NCK2: variants seen among roughly 807,000 people sequenced by gnomAD.
NCK2 encodes the protein NCK adaptor protein 2, also known as cytoplasmic protein NCK2.
NCK2 carries 16 observed loss-of-function variants against 33.9 expected under a neutral mutation model. That is an observed-to-expected ratio of 0.47 (90% confidence interval 0.32 to 0.72). The LOEUF (loss-of-function observed/expected upper bound fraction) is 0.72, where lower values mean the gene tolerates loss of function less well. Ranked by LOEUF, NCK2 falls within the 30% of genes least tolerant of loss-of-function variation. The pLI is 0.03. For synonymous variants in NCK2, 273 were observed against 239.9 expected, an observed-to-expected ratio of 1.14 and a Z score of -1.27; for missense variants, 418 against 537.3, an observed-to-expected ratio of 0.78 and a Z score of 2.19.
chr2:105,829,861 T>TA (rs1676098607), intron 2 of NCK2, among the ~76,000 whole-genome samples: 1 of 152,334 alleles, frequency 6.6e-6, no homozygotes, highest in African/African-American at 2.4e-5. Context: ...GTAAGTTATT[T>TA]AGAGTTATTC....
chr2:105,789,696 C>A (rs1690810498), intron 1 of NCK2, among the ~76,000 whole-genome samples: 2 of 152,222 alleles, frequency 1.3e-5, no homozygotes, highest in African/African-American at 4.8e-5. Flanking sequence ...GAGGACCTTG[C>A]TCCCCGGCTT....
intron 3 of NCK2, among the ~76,000 whole-genome samples, chr2:105,873,209 G>T (rs1242181576): frequency 1.3e-5 from 2 of 152,144 alleles, no homozygotes; most frequent in Admixed American, 6.5e-5. Context: ...GTCTGAAATC[G>T]ATTTGTACCC....
At chr2:105,832,044 G>A (rs1023410429) in intron 2 of NCK2, among the ~76,000 whole-genome samples, 16 of 151,914 alleles carry the variant, frequency 1.1e-4, no homozygotes, top group African/African-American at 3.4e-4. Flanking sequence ...TTCTTTTATC[G>A]GTATTTTGTA....
intron 1 of NCK2, among the ~76,000 whole-genome samples, chr2:105,803,290 G>T (rs1313626557): frequency 1.3e-5 from 2 of 152,158 alleles, no homozygotes; most frequent in Non-Finnish European, 2.9e-5. Flanking sequence ...AAGTTTAGCT[G>T]CTGTTTTTTA....
At chr2:105,873,244 C>G (rs1408704101) in intron 3 of NCK2, among the ~76,000 whole-genome samples, 1 of 152,166 alleles carries the variant, frequency 6.6e-6, no homozygotes, top group East Asian at 1.9e-4. Flanking sequence ...CTCTCATGAG[C>G]CACTCTCAGG....
At chr2:105,818,172 G>T (rs1423064601) in intron 2 of NCK2, among the ~76,000 whole-genome samples, 1 of 149,172 alleles carries the variant, frequency 6.7e-6, no homozygotes, top group Admixed American at 6.9e-5. Context: ...GCAAACTATC[G>T]CAAGGACAAA....
At chr2:105,841,517 AACCC>A (rs1259013811) in intron 2 of NCK2, among the ~76,000 whole-genome samples, 2 of 152,192 alleles carry the variant, frequency 1.3e-5, no homozygotes, top group Non-Finnish European at 2.9e-5. Flanking sequence ...AGCCCATCTG[AACCC>A]TGTCTTTTTG....
intron 1 of NCK2, among the ~76,000 whole-genome samples, chr2:105,792,079 G>T (rs1339005014): frequency 6.6e-6 from 1 of 152,150 alleles, no homozygotes; most frequent in Non-Finnish European, 1.5e-5. Context: ...CTGCCTTGGT[G>T]ACCGGAGAGA....
chr2:105,879,675 G>A (rs1678390079), intron 3 of NCK2, among the ~76,000 whole-genome samples: 1 of 152,252 alleles, frequency 6.6e-6, no homozygotes, highest in South Asian at 2.1e-4. Flanking sequence ...GCGCCGCGTG[G>A]GCACATGTCC....
At chr2:105,783,236 T>A (rs571538118) in intron 1 of NCK2, among the ~76,000 whole-genome samples, 2 of 152,280 alleles carry the variant, frequency 1.3e-5, no homozygotes, top group Admixed American at 1.3e-4. Context: ...AGATGGAAAG[T>A]AATGGCAGTG....
chr2:105,854,931 G>A (rs959247075), intron 2 of NCK2, 117 bp from the exon 3 acceptor site: 52 of 698,156 alleles, frequency 7.4e-5, no homozygotes, highest in Non-Finnish European at 1.2e-4. Context: ...AGACCCAGGA[G>A]AAAACTGGTT....
chr2:105,751,287 C>A (rs1433613580), intron 1 of NCK2, among the ~76,000 whole-genome samples: 1 of 152,212 alleles, frequency 6.6e-6, no homozygotes, highest in Middle Eastern at 3.2e-3. Context: ...CCTATTGATT[C>A]TACCTCCAAA....
intron 1 of NCK2, among the ~76,000 whole-genome samples, chr2:105,775,121 CT>C (rs999194954): frequency 3.3e-5 from 5 of 152,124 alleles, no homozygotes; most frequent in African/African-American, 1.2e-4. Context: ...GTTAGCTAAA[CT>C]TTAGTTTTTA....
At chr2:105,782,530 G>T (rs1176413172) in intron 1 of NCK2, among the ~76,000 whole-genome samples, 1 of 152,240 alleles carries the variant, frequency 6.6e-6, no homozygotes, top group Non-Finnish European at 1.5e-5. Flanking sequence ...GCTATGTGAA[G>T]TGTCTTATGT....
chr2:105,745,796 C>G (rs1689265707), intron 1 of NCK2: 1 of 152,244 alleles, frequency 6.6e-6, no homozygotes, highest in Admixed American at 6.5e-5. Context: ...TAACAGCCAC[C>G]TGAATGAACC....
intron 2 of NCK2, among the ~76,000 whole-genome samples, chr2:105,847,663 G>A (rs1370965561): frequency 6.6e-6 from 1 of 152,128 alleles, no homozygotes; most frequent in Non-Finnish European, 1.5e-5. Context: ...GGAGCAGATG[G>A]CAAAGAGGGA....
chr2:105,821,293 G>A (rs1474452761), intron 2 of NCK2, among the ~76,000 whole-genome samples: 5 of 152,340 alleles, frequency 3.3e-5, no homozygotes, highest in African/African-American at 1.2e-4. Flanking sequence ...AAAGCCCAGT[G>A]CTCAGTCATT....
rs71417369 is a variant in NCK2, at chr2:105,781,554, A to G, written c.-200-34876A>G. Among the ~76,000 whole-genome samples, 216 of 152,350 alleles carry G rather than the reference A, an allele frequency of 1.4e-3. 1 individual carries two copies. Among genetic ancestry groups the G allele is most frequent in the Non-Finnish European group, 2.3e-3 (159 of 68,032 alleles). ...AGCAGTTAAGATCTGGTTTGCTGGCATGAATCATGACCTGCCATTGCCATA... is the reference window on the plus strand; with the variant it reads ...AGCAGTTAAGATCTGGTTTGCTGGCGTGAATCATGACCTGCCATTGCCATA... On this transcript the variant is annotated intron_variant, in intron 1 of 4. Coordinates refer to ENST00000233154, the MANE Select transcript of NCK2 (RefSeq NM_003581.5).
At position 105,881,684 on chromosome 2, in the gene NCK2, C is replaced by T. The variant is rs1678497840; in HGVS notation, c.583C>T (p.Arg195Cys). The T allele has an allele frequency of 1.2e-6, 2 of 1,613,780 alleles. No homozygotes were observed. The highest frequency in any genetic ancestry group is 1.7e-6 in the Non-Finnish European group (2 of 1,179,878). The stretch of plus-strand genomic sequence containing the variant: ...CTCGCTGAGCAATGGCCAGGGCTCC[C>T]GCGTGCTGCATGTGGTCCAGACGCT... ...GASLSNGQGS[R>C]VLHVVQTLYP... Residue 195 changes from arginine (R) to cysteine (C), a missense_variant, in exon 4 of 5, where the codon CGC becomes TGC. Arg to Cys is a radical substitution (Grantham distance 180). Coordinates refer to ENST00000233154, the MANE Select transcript of NCK2 (RefSeq NM_003581.5).
Sources: gnomAD v4.1 joint callset for allele counts (sites outside exome capture counted in the v4.1 genomes callset) on GRCh38, gnomAD v4.1.1 for gene constraint, MANE v1.5 for transcripts, NCBI Gene and HGNC (gene_info 2026-07-23, HGNC 2026-07-21) for gene names.